Variants in DPP6 observed in about 807,000 individuals in gnomAD.
DPP6 encodes the protein dipeptidyl peptidase like 6, also known as A-type potassium channel modulatory protein DPP6.
DPP6 carries 69 observed loss-of-function variants against 122.6 expected under a neutral mutation model. The ratio of observed to expected loss-of-function variants is 0.56; its 90% CI spans 0.46 to 0.69. The LOEUF (loss-of-function observed/expected upper bound fraction) is 0.69, where lower values mean the gene tolerates loss of function less well. Ranked by LOEUF, DPP6 falls within the 30% of genes least tolerant of loss-of-function variation. DPP6 has a pLI of 0.00. For synonymous variants in DPP6, 418 were observed against 433.1 expected (o/e 0.97, Z 0.43); for missense variants, 928 against 1,116.9 (o/e 0.83, Z 2.41).
In DPP6 at chr7:154,821,924, C is replaced by A. The variant is rs185656487; in HGVS notation, c.1666+14812C>A. ...AATTCACAGTAAGCCTTTGCAGACC[C>A]ACAGCGGTGCTTCCGGTTAAAAGCC... On this transcript the variant is annotated intron_variant, in intron 16 of 25. Transcript: ENST00000377770. This position sits in a 1 kb window ranked among gnomAD's most constrained non-coding sequence, Gnocchi z 4.2. 4.5e-3 allele frequency among the ~76,000 whole-genome samples: 686 copies of A among 152,196 alleles called. 3 individuals carry two copies. The highest frequency in any genetic ancestry group is 0.014 in the Middle Eastern group (4 of 294).
intron 3 of DPP6, among the ~76,000 whole-genome samples, chr7:154,529,078 G>A (rs763888736): frequency 3.2e-4 from 48 of 152,208 alleles, no homozygotes; most frequent in Non-Finnish European, 1.2e-4. Context: ...CATAGAGAAT[G>A]GAAATAAGGA....
chr7:154,614,815 T>C (rs1174069837), intron 5 of DPP6, among the ~76,000 whole-genome samples: 1 of 152,246 alleles, frequency 6.6e-6, no homozygotes, highest in East Asian at 1.9e-4. Context: ...TAGACATTTA[T>C]AGAGAACTTG....
chr7:154,749,459 G>A (rs375000225), intron 8 of DPP6, among the ~76,000 whole-genome samples: 1,534 of 101,622 alleles, frequency 0.015, no homozygotes, highest in Non-Finnish European at 0.017. Context: ...CGGCTTTACT[G>A]AGAGAGGGTG....
chr7:154,168,383 A>G (rs1030344193), intron 1 of DPP6, among the ~76,000 whole-genome samples: 1 of 152,208 alleles, frequency 6.6e-6, no homozygotes, highest in Admixed American at 6.5e-5. Context: ...GCTAGGGCCT[A>G]CTGGCCTACC....
At chr7:154,644,695 T>A (rs796808100) in intron 6 of DPP6, among the ~76,000 whole-genome samples, 58 of 141,988 alleles carry the variant, frequency 4.1e-4, no homozygotes, top group African/African-American at 1.5e-3. Context: ...GCAGAAGAAA[T>A]CTTAAAATGG....
At chr7:154,768,264 C>T (rs1796031632) in intron 8 of DPP6, among the ~76,000 whole-genome samples, 2 of 152,238 alleles carry the variant, frequency 1.3e-5, no homozygotes, top group South Asian at 4.1e-4. Context: ...CTGCTTCTTC[C>T]CTGTCTGGGA....
At chr7:154,735,452 G>A (rs532526369) in intron 8 of DPP6, among the ~76,000 whole-genome samples, 4 of 152,298 alleles carry the variant, frequency 2.6e-5, no homozygotes, top group African/African-American at 9.6e-5. Flanking sequence ...AGTGTCTGGC[G>A]AAGCTATCAG....
chr7:154,341,906 G>A (rs1423887535), intron 1 of DPP6, among the ~76,000 whole-genome samples: 2 of 151,920 alleles, frequency 1.3e-5, no homozygotes, highest in East Asian at 1.9e-4. Context: ...AGGGTGTGGC[G>A]CTTACAAGAG....
At chr7:153,969,332 G>T (rs1795908066) in intron 1 of DPP6, among the ~76,000 whole-genome samples, 1 of 132,252 alleles carries the variant, frequency 7.6e-6, no homozygotes. Context: ...TGGTTATTTT[G>T]CAGAGTTCTG....
At chr7:154,640,739 A>G (rs1443515049) in intron 6 of DPP6, among the ~76,000 whole-genome samples, 1 of 152,190 alleles carries the variant, frequency 6.6e-6, no homozygotes, top group Non-Finnish European at 1.5e-5. Context: ...TTGGATAGGG[A>G]GGAAAGCACA....
intron 1 of DPP6, among the ~76,000 whole-genome samples, chr7:154,269,551 T>C (rs552423241): frequency 1.2e-4 from 19 of 152,328 alleles, no homozygotes; most frequent in African/African-American, 3.6e-4. Flanking sequence ...CACTTAGATA[T>C]GCTGTCCATG....
chr7:154,784,343 G>A (rs1294898901), intron 10 of DPP6, among the ~76,000 whole-genome samples: 1 of 152,042 alleles, frequency 6.6e-6, no homozygotes, highest in Non-Finnish European at 1.5e-5. Context: ...ACCTTACCAA[G>A]CCCCCACCCT....
intron 1 of DPP6, among the ~76,000 whole-genome samples, chr7:154,269,346 G>A (rs1352547011): frequency 2.6e-5 from 4 of 152,136 alleles, no homozygotes; most frequent in African/African-American, 7.2e-5. Context: ...TTGATGGTCA[G>A]CTCTTAAGAG....
intron 1 of DPP6, among the ~76,000 whole-genome samples, chr7:154,230,662 T>A (rs1800869828): frequency 6.6e-6 from 1 of 152,230 alleles, no homozygotes; most frequent in Non-Finnish European, 1.5e-5. Flanking sequence ...TGTCTGAGCC[T>A]CAGCCATCTG....
intron 1 of DPP6, among the ~76,000 whole-genome samples, chr7:154,030,439 G>T (rs796498884): frequency 3.9e-5 from 6 of 152,234 alleles, no homozygotes; most frequent in African/African-American, 1.4e-4. Flanking sequence ...TGATGCTGAT[G>T]ATTAGGAGGC....
chr7:154,050,762 A>G (rs1023218041), upstream of DPP6, among the ~76,000 whole-genome samples: 1 of 147,036 alleles, frequency 6.8e-6, no homozygotes, highest in African/African-American at 2.6e-5. Flanking sequence ...TAGCTGTTGC[A>G]ATCCTGGTTT....
intron 1 of DPP6, among the ~76,000 whole-genome samples, chr7:154,199,162 C>T (rs75417456): frequency 0.025 from 3,859 of 152,048 alleles, 187 homozygotes; most frequent in African/African-American, 0.087. Context: ...AATTGCAAGT[C>T]GTCAGGAGTT....
chr7:154,823,523 C>T (rs1417025088), intron 16 of DPP6, among the ~76,000 whole-genome samples: 10 of 152,232 alleles, frequency 6.6e-5, no homozygotes, highest in Admixed American at 5.9e-4. Context: ...AGTACTGGTG[C>T]CTGCGGATAA....
intron 5 of DPP6, among the ~76,000 whole-genome samples, chr7:154,634,997 T>C (rs1353077777): frequency 1.3e-5 from 2 of 152,174 alleles, no homozygotes; most frequent in East Asian, 3.9e-4. Flanking sequence ...TATTTGTTGC[T>C]ATACTGAAAT....
Sources: allele counts gnomAD v4.1 joint callset (sites outside exome capture counted in the v4.1 genomes callset), GRCh38; gene constraint gnomAD v4.1.1; non-coding constraint Gnocchi (gnomAD v3.1); transcripts MANE v1.5; gene names NCBI Gene and HGNC (gene_info 2026-07-23, HGNC 2026-07-21).